The following SYBU variants were observed in gnomAD, a reference collection of about 807,000 sequenced individuals.
SYBU encodes syntabulin, also known as GOLSYN A protein.
In SYBU, 21 loss-of-function variants were observed where a neutral mutation model predicts 35.9. That is an observed-to-expected ratio of 0.58 (90% CI 0.41 to 0.84). SYBU has a LOEUF of 0.84. SYBU is among the 40% of genes least tolerant of loss of function. SYBU has a pLI of 0.00. For missense variants in SYBU, 768 were observed against 848.2 expected (o/e 0.91, Z 1.17); for synonymous variants, 319 against 324.3 (o/e 0.98, Z 0.18).
At position 109,575,682 on chromosome 8, in the gene SYBU, G is replaced by A; in HGVS notation, c.1216C>T (p.Pro406Ser). Residue 406 changes from proline (P) to serine (S), a missense_variant, in exon 7 of 7, where the codon CCT (proline) becomes TCT (serine). Physicochemically the swap from Pro to Ser is moderately conservative, Grantham distance 74. Coordinates refer to ENST00000276646, the MANE Select transcript of SYBU (RefSeq NM_001099754.2). The part of the protein sequence containing the change: ...SPEKSLTLNP[P>S]LDTMADGLSL... ...AACCCATCTGCCATTGTGTCAAGAG[G>A]GGGGTTGAGGGTTAAGCTCTTCTCT... 2 of 1,614,140 alleles carry A rather than the reference G, an allele frequency of 1.2e-6. No homozygotes were observed. Among genetic ancestry groups the A allele is most frequent in the South Asian group, 1.1e-5 (1 of 91,062 alleles).
chr8:109,632,570 G>C (rs1813752472), intron 2 of SYBU, among the ~76,000 whole-genome samples: 1 of 151,888 alleles, frequency 6.6e-6, no homozygotes, highest in Non-Finnish European at 1.5e-5. Flanking sequence ...TTATGTAATT[G>C]TTACATCTGA....
At chr8:109,608,155 AG>A (rs1413382894) in intron 3 of SYBU, 1 of 507,316 alleles carries the variant, frequency 2.0e-6, no homozygotes, top group Admixed American at 3.6e-5. Context: ...GGAAGAGCAC[AG>A]GGCCTTCTCC....
chr8:109,651,657 A>G (rs1816147095), intron 1 of SYBU, among the ~76,000 whole-genome samples: 1 of 152,118 alleles, frequency 6.6e-6, no homozygotes, highest in South Asian at 2.1e-4. Context: ...TAATTAGTTC[A>G]TAATACAGTT....
intron 4 of SYBU, among the ~76,000 whole-genome samples, chr8:109,582,296 A>G (rs1368552548): frequency 6.6e-6 from 1 of 152,232 alleles, no homozygotes; most frequent in African/African-American, 2.4e-5. Context: ...CATGCTTAAA[A>G]ATATCAGTTC....
In SYBU at chr8:109,643,147, GCACACA is replaced by G. The variant is rs35325438; in HGVS notation, c.25-221_25-216del. On this transcript the variant is annotated intron_variant, in intron 1 of 6. Coordinates refer to ENST00000276646, the MANE Select transcript of SYBU (RefSeq NM_001099754.2). ...CTACTGAATAGCACATGTCTGTGTG[GCACACA>G]CACACACACACACACACACATATAC... 2.8e-3 allele frequency: 3,161 copies of G among 1,126,384 alleles called. 1 individual carries two copies. The highest frequency in any genetic ancestry group is 0.024 in the East Asian group (547 of 22,670). The allele number at this position is 1,126,384 out of a possible 1,614,324, so 69.8% of individuals were successfully genotyped here. A position where few individuals can be genotyped will look rare whatever the true frequency, so the allele number is the denominator to read the frequency against.
At position 109,579,864 on chromosome 8, in the gene SYBU, T is replaced by C. The variant is rs548596955; in HGVS notation, c.669A>G (p.Ala223=). Residue 223 remains alanine, a synonymous_variant, in exon 5 of 7, where the codon GCA becomes GCG. Coordinates refer to ENST00000276646, the MANE Select transcript of SYBU (RefSeq NM_001099754.2). ...AGTTGCTACTGCTTGGGGAAGAAGG[T>C]GCATAACTGGGATGGATATTGACAG... ...LSPVNIHPSY[A]PSSPSSSNSG... The C allele has an allele frequency of 1.9e-6, 3 of 1,613,776 alleles. No individual in the cohort carries two copies. The highest frequency in any genetic ancestry group is 2.2e-5 in the East Asian group (1 of 44,828).
intron 3 of SYBU, among the ~76,000 whole-genome samples, chr8:109,593,630 G>A (rs1021927956): frequency 2.0e-5 from 3 of 152,224 alleles, no homozygotes; most frequent in African/African-American, 4.8e-5. Context: ...GCTGTTGAAC[G>A]TGTCAAATGC....
At chr8:109,636,120 A>C (rs1322731068) in intron 2 of SYBU, among the ~76,000 whole-genome samples, 1 of 152,138 alleles carries the variant, frequency 6.6e-6, no homozygotes, top group African/African-American at 2.4e-5. Context: ...ATGGCATAGG[A>C]AGTCTTGCAT....
intron 1 of SYBU, among the ~76,000 whole-genome samples, chr8:109,690,876 G>C (rs992500277): frequency 6.6e-6 from 1 of 152,128 alleles, no homozygotes; most frequent in Non-Finnish European, 1.5e-5. Context: ...GTCCTCTGGG[G>C]ACTTGGGACT....
chr8:109,671,489 T>C (rs914381189), intron 1 of SYBU, among the ~76,000 whole-genome samples: 1 of 152,144 alleles, frequency 6.6e-6, no homozygotes, highest in African/African-American at 2.4e-5. Context: ...TATATTCCTA[T>C]AGTAATGCTC....
At chr8:109,650,841 C>T (rs1046247600) in intron 1 of SYBU, among the ~76,000 whole-genome samples, 4 of 152,074 alleles carry the variant, frequency 2.6e-5, no homozygotes, top group African/African-American at 9.7e-5. Flanking sequence ...GGATACTAAA[C>T]CATGTTATAA....
intron 2 of SYBU, among the ~76,000 whole-genome samples, chr8:109,629,094 G>A (rs1813300564): frequency 6.6e-6 from 1 of 152,172 alleles, no homozygotes; most frequent in African/African-American, 2.4e-5. Flanking sequence ...AAGAGAGGAA[G>A]GGTGATGGGG....
upstream of SYBU, chr8:109,646,838 G>A (rs929727639): frequency 2.6e-5 from 4 of 152,170 alleles, no homozygotes; most frequent in African/African-American, 9.7e-5. Flanking sequence ...AAACCACCAA[G>A]TGATCTCTAT....
chr8:109,619,063 G>A (rs2130365339), intron 2 of SYBU, 24 bp from the exon 3 acceptor site: 1 of 1,573,894 alleles, frequency 6.4e-7, no homozygotes, highest in East Asian at 2.2e-5. Flanking sequence ...ATCAATAAGT[G>A]TTTAATGATG....
chr8:109,602,001 C>T (rs767437554), intron 3 of SYBU, among the ~76,000 whole-genome samples: 1 of 152,006 alleles, frequency 6.6e-6, no homozygotes, highest in Non-Finnish European at 1.5e-5. Flanking sequence ...AGACTGGAGG[C>T]TGGTGGGGAA....
At chr8:109,659,293 A>G (rs552348083) in intron 1 of SYBU, among the ~76,000 whole-genome samples, 1 of 152,298 alleles carries the variant, frequency 6.6e-6, no homozygotes, top group East Asian at 1.9e-4. Flanking sequence ...AATTAGCCAA[A>G]GGGAATTTCT....
At chr8:109,617,307 G>C (rs1188073376) in intron 3 of SYBU, among the ~76,000 whole-genome samples, 1 of 152,210 alleles carries the variant, frequency 6.6e-6, no homozygotes, top group African/African-American at 2.4e-5. Context: ...GAGTAGGTTA[G>C]TGCTTTTCAG....
At chr8:109,613,540 C>A (rs2844243) in intron 3 of SYBU, among the ~76,000 whole-genome samples, 6 of 152,086 alleles carry the variant, frequency 3.9e-5, no homozygotes, top group African/African-American at 7.2e-5. Flanking sequence ...TCCTCCCCCC[C>A]ACCCAATAAC....
At chr8:109,649,312 C>G (rs896033289), upstream of SYBU, among the ~76,000 whole-genome samples, 5 of 151,966 alleles carry the variant, frequency 3.3e-5, no homozygotes, top group Admixed American at 2.0e-4. Flanking sequence ...CAACCCTTGT[C>G]TTAATGTATG....
Sources: gnomAD v4.1 joint callset for allele counts (sites outside exome capture counted in the v4.1 genomes callset) on GRCh38, gnomAD v4.1.1 for gene constraint, MANE v1.5 for transcripts, NCBI Gene and HGNC (gene_info 2026-07-23, HGNC 2026-07-21) for gene names.